The following CBX1 variants were observed in gnomAD, a reference collection of about 807,000 sequenced individuals.
CBX1 encodes the protein chromobox 1, also known as chromobox protein homolog 1.
In CBX1, 10 loss-of-function variants were observed where a neutral mutation model predicts 25.1. The observed-to-expected ratio is 0.40, with a 90% CI of 0.25 to 0.68. The LOEUF is 0.68. Ranked by LOEUF, CBX1 falls within the 30% of genes least tolerant of loss-of-function variation. CBX1 has a pLI of 0.40. For missense variants in CBX1, 106 were observed against 218.5 expected (o/e 0.49, Z 3.25); for synonymous variants, 63 against 79.4 (o/e 0.79, Z 1.10).
chr17:48,075,311 C>T (rs1335140878), intron 3 of CBX1, among the ~76,000 whole-genome samples: 1 of 151,816 alleles, frequency 6.6e-6, no homozygotes, highest in East Asian at 1.9e-4. Flanking sequence ...TCTCCTGCCT[C>T]AGCCTCCCAA....
At chr17:48,077,132 G>T (rs1598304604) in intron 1 of CBX1, 91 bp from the exon 2 acceptor site, 1 of 999,752 alleles carries the variant, frequency 1.0e-6, no homozygotes, top group Non-Finnish European at 1.5e-6. Flanking sequence ...GGACATGACA[G>T]GTGATAATAT....
chr17:48,099,597 G>A (rs1337268139), intron 1 of CBX1, among the ~76,000 whole-genome samples: 1 of 152,150 alleles, frequency 6.6e-6, no homozygotes, highest in Non-Finnish European at 1.5e-5. Context: ...CACCTAGGGA[G>A]GAACACCGGC....
intron 1 of CBX1, among the ~76,000 whole-genome samples, chr17:48,088,983 C>G (rs910086260): frequency 2.0e-5 from 3 of 151,590 alleles, no homozygotes; most frequent in African/African-American, 7.3e-5. Flanking sequence ...CAATAAAACA[C>G]AAAACAAAAC....
At chr17:48,078,652 G>A (rs926123371) in intron 1 of CBX1, among the ~76,000 whole-genome samples, 3 of 150,972 alleles carry the variant, frequency 2.0e-5, no homozygotes, top group Non-Finnish European at 2.9e-5. Context: ...ATTACGCCTG[G>A]CTAATTTCTA....
At chr17:48,071,893 A>C (rs2037627788) in intron 4 of CBX1, among the ~76,000 whole-genome samples, 1 of 150,596 alleles carries the variant, frequency 6.6e-6, no homozygotes, top group East Asian at 1.9e-4. Context: ...GAGGGAAGAG[A>C]GGATACCTAG....
At chr17:48,086,454 T>C (rs2144451575) in intron 1 of CBX1, among the ~76,000 whole-genome samples, 1 of 152,334 alleles carries the variant, frequency 6.6e-6, no homozygotes, top group African/African-American at 2.4e-5. Flanking sequence ...TCTGATTTCT[T>C]GCCAGTTTGA....
Position 48,070,647 on chromosome 17 carries a change from T to C in CBX1, c.*788A>G, listed in dbSNP as rs540270530. ...GCACCTCTAAGGCAGAATGATCTGC[T>C]TGTACTGTATACTCTCCAATAAAAG... On this transcript the variant is annotated 3_prime_UTR_variant, in exon 5 of 5. Transcript: ENST00000225603. 6.5e-6 allele frequency: 1 copy of C among 152,788 alleles called. No homozygotes were observed. The highest frequency in any genetic ancestry group is 2.1e-4 in the South Asian group (1 of 4,832). 9.5% of individuals were successfully genotyped at this position (152,788 alleles called of 1,614,324 possible).
At chr17:48,087,982 C>T (rs1327764853) in intron 1 of CBX1, among the ~76,000 whole-genome samples, 1 of 151,502 alleles carries the variant, frequency 6.6e-6, no homozygotes, top group African/African-American at 2.4e-5. Context: ...TTAATTTTTT[C>T]TAATTAAAAT....
Position 48,083,136 on chromosome 17 carries a change from G to C in CBX1, c.-37-6095C>G, listed in dbSNP as rs1056510309. ...CTGCCTCAGCCTCCCAAAGTGCTGGGATTACAGGAATGAGCCACTGCACCT... is the reference window on the plus strand; with the variant it reads ...CTGCCTCAGCCTCCCAAAGTGCTGGCATTACAGGAATGAGCCACTGCACCT... On this transcript the variant is annotated intron_variant, in intron 1 of 4. Transcript: ENST00000225603. 8.7e-5 allele frequency among the ~76,000 whole-genome samples: 13 copies of C among 150,096 alleles called. 1 individual carries two copies. Among genetic ancestry groups the C allele is most frequent in the African/African-American group, 2.8e-4 (11 of 39,574 alleles).
intron 2 of CBX1, 42 bp downstream of exon 2, chr17:48,076,822 TA>T: frequency 6.3e-7 from 1 of 1,578,766 alleles, no homozygotes; most frequent in Non-Finnish European, 8.6e-7. Context: ...AGACTCCTGA[TA>T]AACACGTGGT....
At chr17:48,075,511 C>A (rs1012728079) in intron 3 of CBX1, among the ~76,000 whole-genome samples, 1 of 152,054 alleles carries the variant, frequency 6.6e-6, no homozygotes, top group South Asian at 2.1e-4. Context: ...AACTCTTTTG[C>A]CAATATTTCA....
At position 48,077,454 on chromosome 17, in the gene CBX1, G is replaced by GT. The variant is rs1555577819; in HGVS notation, c.-37-414dup. Among the ~76,000 whole-genome samples, 288 of 131,598 alleles carry GT rather than the reference G, an allele frequency of 2.2e-3. 1 individual carries two copies. The highest frequency in any genetic ancestry group is 3.7e-3 in the Non-Finnish European group (229 of 62,704). The allele number at this position is 131,598 out of a possible 152,430, so 86.3% of individuals were successfully genotyped here. ...TGTTGTTTTTTTTTTTGTTTTTTTT[G>GT]TTTTTTTTTTTTTAGTAGAGACGGG... On this transcript the variant is annotated intron_variant, in intron 1 of 4. Transcript: ENST00000225603.
At chr17:48,093,204 G>A (rs1466648367) in intron 1 of CBX1, among the ~76,000 whole-genome samples, 1 of 151,642 alleles carries the variant, frequency 6.6e-6, no homozygotes. Flanking sequence ...GAACCCAGGA[G>A]GCAGAGGTTG....
At chr17:48,075,166 C>T in intron 3 of CBX1, 66 bp from the exon 4 acceptor site, 1 of 1,023,024 alleles carries the variant, frequency 9.8e-7, no homozygotes, top group Admixed American at 1.9e-5. Flanking sequence ...TGGAACCATT[C>T]CTGTGTCTCT....
At chr17:48,074,860 G>GC (rs1343940975) in intron 4 of CBX1, 146 bp downstream of exon 4, 1 of 691,690 alleles carries the variant, frequency 1.4e-6, no homozygotes, top group African/African-American at 1.8e-5. Flanking sequence ...TGGCAGTCAG[G>GC]CCGAGGGTCA....
At chr17:48,090,637 T>C (rs937022002) in intron 1 of CBX1, among the ~76,000 whole-genome samples, 4 of 152,194 alleles carry the variant, frequency 2.6e-5, no homozygotes, top group African/African-American at 9.7e-5. Flanking sequence ...CACATCATTA[T>C]CTGTGGGCAT....
intron 1 of CBX1, among the ~76,000 whole-genome samples, chr17:48,078,193 G>A (rs183192609): frequency 4.4e-4 from 66 of 151,502 alleles, no homozygotes; most frequent in Non-Finnish European, 7.4e-4. Context: ...TACTGGATTT[G>A]AATTTGTTTT....
At chr17:48,077,836 A>G (rs2037692855) in intron 1 of CBX1, among the ~76,000 whole-genome samples, 1 of 152,108 alleles carries the variant, frequency 6.6e-6, no homozygotes, top group South Asian at 2.1e-4. Flanking sequence ...CCGTTGTAAA[A>G]GAGCACGGTA....
chr17:48,097,446 T>C (rs1203028727), intron 1 of CBX1, among the ~76,000 whole-genome samples: 6 of 151,718 alleles, frequency 4.0e-5, no homozygotes, highest in Non-Finnish European at 7.4e-5. Flanking sequence ...AAGACCCCCA[T>C]CTCTACTAAA....
Sources: allele counts gnomAD v4.1 joint callset (sites outside exome capture counted in the v4.1 genomes callset), GRCh38; gene constraint gnomAD v4.1.1; transcripts MANE v1.5; gene names NCBI Gene and HGNC (gene_info 2026-07-23, HGNC 2026-07-21).